Variants in CCDC80 observed in about 807,000 individuals in gnomAD.
CCDC80 encodes coiled-coil domain-containing protein 80.
Under a neutral mutation model 78.7 loss-of-function variants are expected in CCDC80, and 49 were observed. The observed-to-expected ratio is 0.62, with a 90% CI of 0.50 to 0.79. The LOEUF is 0.79. CCDC80 is among the 30% of genes least tolerant of loss of function. The pLI, the probability that CCDC80 is intolerant of heterozygous loss-of-function variation, is 0.00. For missense variants in CCDC80, 1,205 were observed against 1,198.6 expected (o/e 1.01, Z -0.08); for synonymous variants, 488 against 447.0 (o/e 1.09, Z -1.16).
chr3:112,616,831 T>G lies in CCDC80; in HGVS notation c.2200A>C (p.Lys734Gln), dbSNP rs773264379. The G allele has an allele frequency of 1.9e-5, 31 of 1,613,918 alleles. No individual in the cohort carries two copies. In the Admixed American group the frequency reaches 5.0e-4, roughly 26 times the overall value. ...KQYYEVPITM[K>Q]SVFDLIDTFQ... is the part of the protein sequence containing the mutation. ...GTATCGATCAGATCAAACACAGACT[T>G]CATTGTTATTGGTACCTCATAGTAT... Residue 734 changes from lysine (K) to glutamine (Q), a missense_variant, in exon 5 of 8, where the codon AAG becomes CAG. Lys to Gln is a moderately conservative substitution (Grantham distance 53). Transcript: ENST00000206423.
At chr3:112,615,112 A>AG (rs1244132476) in intron 5 of CCDC80, among the ~76,000 whole-genome samples, 48 of 152,332 alleles carry the variant, frequency 3.2e-4, no homozygotes, top group African/African-American at 1.2e-3. Context: ...AGGTTAATTG[A>AG]AAAGGATCAA....
At position 112,640,445 on chromosome 3, in the gene CCDC80, T is replaced by C. The variant is rs1159636431; in HGVS notation, c.-130A>G. On this transcript the variant is annotated 5_prime_UTR_variant, in exon 1 of 8. Coordinates refer to ENST00000206423, the MANE Select transcript of CCDC80 (RefSeq NM_199511.3). The stretch of plus-strand genomic sequence containing the variant: ...CAGCCCTCTCTCTCTTTACCGAGGG[T>C]GAGCAATACAAAAGGGGTGTGCTGC... 4 of 157,704 alleles carry C rather than the reference T, an allele frequency of 2.5e-5. No homozygotes were observed. The highest frequency in any genetic ancestry group is 2.4e-4 in the Admixed American group (4 of 16,438). 9.8% of individuals were successfully genotyped at this position (157,704 alleles called of 1,614,324 possible).
chr3:112,627,629 T>C (rs1449212286), intron 3 of CCDC80, among the ~76,000 whole-genome samples: 1 of 152,214 alleles, frequency 6.6e-6, no homozygotes, highest in Non-Finnish European at 1.5e-5. Context: ...AGTTTTTTGG[T>C]TCACTGAGCC....
chr3:112,617,138 G>C (rs575399816), intron 4 of CCDC80, among the ~76,000 whole-genome samples: 5 of 152,076 alleles, frequency 3.3e-5, no homozygotes, highest in Non-Finnish European at 5.9e-5. Context: ...CAAGTCCTAG[G>C]TTCACCTCTC....
intron 3 of CCDC80, among the ~76,000 whole-genome samples, chr3:112,629,785 G>A (rs10934179): frequency 0.41 from 61,972 of 152,076 alleles, 15,089 homozygotes; most frequent in Non-Finnish European, 0.54. Flanking sequence ...GCTCACAGGC[G>A]AGAAGACTCA....
intron 7 of CCDC80, 65 bp downstream of exon 7, chr3:112,607,111 T>C (rs1576778554): frequency 3.3e-6 from 4 of 1,215,680 alleles, no homozygotes; most frequent in Non-Finnish European, 3.6e-6. Flanking sequence ...TGCTTGCATA[T>C]AACTTAATGT....
At position 112,605,603 on chromosome 3, in the gene CCDC80, C is replaced by A. The variant is rs754601181; in HGVS notation, c.2667G>T (p.Val889=). The A allele has an allele frequency of 6.2e-7, 1 of 1,614,216 alleles. No individual in the cohort carries two copies. Residue 889 remains valine, a synonymous_variant, in exon 8 of 8, where the codon GTG becomes GTT. Transcript: ENST00000206423. ...GTTGCATCGAATCAATTAAATCGTA[C>A]ACAATCACCATGGACCACATTGGGG... ...YPSPMWSMVI[V]YDLIDSMQLR...
Position 112,639,382 on chromosome 3 carries a change from A to C in CCDC80, c.524T>G (p.Val175Gly), listed in dbSNP as rs530232893. The stretch of plus-strand genomic sequence containing the variant: ...GTGCCTCTCCGCCAGCTCACAGTAC[A>C]CATCGTCCTTCAGCAGGCTCATCAT... ...RLMMSLLKDDVYCELAERHIQ... is the reference protein window; with the variant it reads ...RLMMSLLKDDGYCELAERHIQ... Residue 175 changes from valine to glycine, a missense_variant, in exon 2 of 8, where the codon GTG becomes GGG. By Grantham distance (109) the Val-to-Gly change is moderately radical (BLOSUM62 -3). Transcript: ENST00000206423. 1 of 1,613,982 alleles carries C rather than the reference A, an allele frequency of 6.2e-7. No homozygotes were observed. Among genetic ancestry groups the C allele is most frequent in the Non-Finnish European group, 8.5e-7 (1 of 1,180,034 alleles).
At chr3:112,612,374 C>A (rs966245367) in intron 5 of CCDC80, among the ~76,000 whole-genome samples, 9 of 152,102 alleles carry the variant, frequency 5.9e-5, no homozygotes, top group African/African-American at 2.2e-4. Context: ...TATGTGCACA[C>A]TGAATGCAGT....
rs1156248098 is a variant in CCDC80, at chr3:112,639,263, C to T, written c.643G>A (p.Asp215Asn). 1 of 1,614,162 alleles carries T rather than the reference C, an allele frequency of 6.2e-7. No individual in the cohort carries two copies. The highest frequency in any genetic ancestry group is 2.2e-5 in the East Asian group (1 of 44,870). ...ATCAGCTTAGGGATGAGGCTAGGGT[C>T]CAGGGGCTGCTCCAGGATCTGGCCC... The part of the protein sequence containing the change: ...SEGQILEQPL[D>N]PSLIPKLMSF... The change falls in exon 2 of 8, where the codon GAC becomes AAC. Residue 215 changes from aspartate to asparagine, a missense_variant. Coordinates refer to ENST00000206423, the MANE Select transcript of CCDC80 (RefSeq NM_199511.3).
At chr3:112,613,806 GA>G (rs1240996555) in intron 5 of CCDC80, among the ~76,000 whole-genome samples, 4 of 151,708 alleles carry the variant, frequency 2.6e-5, no homozygotes, top group Admixed American at 2.6e-4. Context: ...GAATTAAGAA[GA>G]AAAAGTTTCC....
In CCDC80 at chr3:112,638,928, A is replaced by G. The variant is rs2107498520; in HGVS notation, c.978T>C (p.Ser326=). Reference sequence around the variant, plus strand: ...CCAGTTTTCTCAGGACCTTCACCCGACTCTCTCTGGTTGGTGGGACTTGTG... The same window carrying G: ...CCAGTTTTCTCAGGACCTTCACCCGGCTCTCTCTGGTTGGTGGGACTTGTG... ...RRAQVPPTRE[S]RVKVLRKLAA... Residue 326 remains serine, a synonymous_variant, in exon 2 of 8, where the codon AGT becomes AGC. Coordinates refer to ENST00000206423, the MANE Select transcript of CCDC80 (RefSeq NM_199511.3). 1 of 1,611,810 alleles carries G rather than the reference A, an allele frequency of 6.2e-7. No homozygotes were observed. The highest frequency in any genetic ancestry group is 8.5e-7 in the Non-Finnish European group (1 of 1,179,560).
At position 112,638,444 on chromosome 3, in the gene CCDC80, C is replaced by T; in HGVS notation, c.1462G>A (p.Ala488Thr). The T allele has an allele frequency of 1.2e-6, 2 of 1,613,300 alleles. No individual in the cohort carries two copies. The highest frequency in any genetic ancestry group is 1.7e-6 in the Non-Finnish European group (2 of 1,179,902). The change falls in exon 2 of 8, where the codon GCA becomes ACA. Residue 488 changes from alanine to threonine, a missense_variant. By Grantham distance (58) the Ala-to-Thr change is moderately conservative. Transcript: ENST00000206423. The part of the protein sequence containing the change: ...PNVVPGPPKP[A>T]KEKPPKKKAQ... ...TTCTTTTTGGGAGGTTTCTCCTTTGCTGGCTTGGGAGGACCTGGCACCACA... is the reference window on the plus strand; with the variant it reads ...TTCTTTTTGGGAGGTTTCTCCTTTGTTGGCTTGGGAGGACCTGGCACCACA...
Position 112,638,480 on chromosome 3 carries a change from G to T in CCDC80, c.1426C>A (p.Arg476=), listed in dbSNP as rs373216819. The change falls in exon 2 of 8, where the codon CGA becomes AGA. Residue 476 remains arginine (R), a synonymous_variant. Transcript: ENST00000206423. ...NRMDRREHGH[R]DPNVVPGPPK... ...GGACCTGGCACCACATTTGGGTCTC[G>T]GTGGCCATGTTCCCGCCTGTCCATG... 1 of 1,613,734 alleles carries T rather than the reference G, an allele frequency of 6.2e-7. No individual in the cohort carries two copies. The highest frequency in any genetic ancestry group is 8.5e-7 in the Non-Finnish European group (1 of 1,179,988).
chr3:112,618,187 A>G (rs759533624), intron 4 of CCDC80, among the ~76,000 whole-genome samples: 11 of 152,206 alleles, frequency 7.2e-5, no homozygotes, highest in Non-Finnish European at 1.6e-4. Context: ...CATGGTTCAG[A>G]ACTTTTGTCC....
rs184735694 is a variant in CCDC80 at position 112,611,630 on chromosome 3, C to T, written c.2322-1549G>A. Reference sequence around the variant, plus strand: ...CTGACTCCAGGTCCAGCGGTTTCCCCGACCTACTACCCTCAGACACTGATA... The same window carrying T: ...CTGACTCCAGGTCCAGCGGTTTCCCTGACCTACTACCCTCAGACACTGATA... On this transcript the variant is annotated intron_variant, in intron 5 of 7. Coordinates refer to ENST00000206423, the MANE Select transcript of CCDC80 (RefSeq NM_199511.3). 3.1e-3 allele frequency among the ~76,000 whole-genome samples: 467 copies of T among 152,288 alleles called. 3 individuals carry two copies. Among genetic ancestry groups the T allele is most frequent in the African/African-American group, 0.01 (422 of 41,544 alleles).
At chr3:112,606,169 A>C (rs1935484103) in intron 7 of CCDC80, among the ~76,000 whole-genome samples, 1 of 152,242 alleles carries the variant, frequency 6.6e-6, no homozygotes, top group Non-Finnish European at 1.5e-5. Flanking sequence ...TAATGATAAA[A>C]AGCTTATTTC....
chr3:112,604,698 T>C lies in CCDC80; in HGVS notation c.*719A>G, dbSNP rs945976989. 3 of 152,252 alleles carry C rather than the reference T, an allele frequency of 2.0e-5. No homozygotes were observed. The highest frequency in any genetic ancestry group is 7.2e-5 in the African/African-American group (3 of 41,450). 9.4% of individuals were successfully genotyped at this position (152,252 alleles called of 1,614,324 possible). A position where few individuals can be genotyped will look rare whatever the true frequency, so the allele number is the denominator to read the frequency against. On this transcript the variant is annotated 3_prime_UTR_variant, in exon 8 of 8. Coordinates refer to ENST00000206423, the MANE Select transcript of CCDC80 (RefSeq NM_199511.3). ...AAGAATTTTCATGCCAGAAATTCCA[T>C]AGCAGCCTACTAGAACTCTGGAAGT...
Position 112,638,529 on chromosome 3 carries a change from G to A in CCDC80, c.1377C>T (p.Gly459=), listed in dbSNP as rs1936262031. 3 of 1,614,102 alleles carry A rather than the reference G, an allele frequency of 1.9e-6. No homozygotes were observed. Among genetic ancestry groups the A allele is most frequent in the Non-Finnish European group, 2.5e-6 (3 of 1,180,014 alleles). Residue 459 remains glycine (G), a synonymous_variant, in exon 2 of 8, where the codon GGC becomes GGT. Transcript: ENST00000206423. The part of the protein sequence containing the change: ...TISEPSTRAA[G]PGRFRDNRMD... Reference sequence around the variant, plus strand: ...TGCGGTTGTCCCGGAAACGGCCTGGGCCAGCAGCCCTTGTGCTGGGTTCTG... The same window carrying A: ...TGCGGTTGTCCCGGAAACGGCCTGGACCAGCAGCCCTTGTGCTGGGTTCTG...
Sources: allele counts gnomAD v4.1 joint callset (sites outside exome capture counted in the v4.1 genomes callset), GRCh38; gene constraint gnomAD v4.1.1; transcripts MANE v1.5; gene names NCBI Gene and HGNC (gene_info 2026-07-23, HGNC 2026-07-21).